The following GOLM1 variants were observed in gnomAD, a reference collection of about 807,000 sequenced individuals.
GOLM1 encodes epididymis luminal protein 46.
Under a neutral mutation model 50.5 loss-of-function variants are expected in GOLM1, and 31 were observed. The observed-to-expected ratio is 0.61, with a 90% CI of 0.46 to 0.83. The LOEUF (loss-of-function observed/expected upper bound fraction) is 0.83, where lower values mean the gene tolerates loss of function less well. Among genes scored for constraint, GOLM1 ranks in the 40% least tolerant of loss-of-function variants. The pLI, the probability that GOLM1 is intolerant of heterozygous loss-of-function variation, is 0.00. For missense variants in GOLM1, 491 were observed against 501.3 expected (o/e 0.98, Z 0.20); for synonymous variants, 178 against 192.8 (o/e 0.92, Z 0.64).
intron 1 of GOLM1, 117 bp from the exon 2 acceptor site, chr9:86,079,458 G>C: frequency 2.6e-6 from 2 of 763,246 alleles, no homozygotes; most frequent in South Asian, 4.3e-5. Flanking sequence ...TGGGCTGGTA[G>C]CTTCTCCTTG....
upstream of GOLM1, among the ~76,000 whole-genome samples, chr9:86,099,724 G>A (rs1342143586): frequency 6.6e-6 from 1 of 151,830 alleles, no homozygotes; most frequent in Non-Finnish European, 1.5e-5. Context: ...GGCGGGAGCA[G>A]GAACGCCAGC....
intron 3 of GOLM1, among the ~76,000 whole-genome samples, chr9:86,068,301 C>T (rs1392576723): frequency 2.0e-5 from 3 of 152,344 alleles, no homozygotes; most frequent in Non-Finnish European, 4.4e-5. Context: ...TTTCAGGCTT[C>T]TAGCCCTCAA....
Position 86,035,557 on chromosome 9 carries a change from G to C in GOLM1, c.826C>G (p.Arg276Gly). ...QRDRLPQEPG[R>G]EQVVEDRPVG... ...GGTCTGTCTTCCACCACCTGCTCCC[G>C]GCCTGGCTCCTGCGGCAGCCTGTCC... Residue 276 changes from arginine to glycine, a missense_variant, in exon 8 of 10, where the codon CGG becomes GGG. Coordinates refer to ENST00000388712, the MANE Select transcript of GOLM1 (RefSeq NM_016548.4). 3 of 1,610,332 alleles carry C rather than the reference G, an allele frequency of 1.9e-6. No homozygotes were observed. The highest frequency in any genetic ancestry group is 2.5e-6 in the Non-Finnish European group (3 of 1,179,824).
At chr9:86,085,600 A>G (rs542389431) in intron 1 of GOLM1, among the ~76,000 whole-genome samples, 1 of 151,672 alleles carries the variant, frequency 6.6e-6, no homozygotes, top group Non-Finnish European at 1.5e-5. Flanking sequence ...ACCTACATTT[A>G]GTTACTTCTC....
At chr9:86,043,095 C>A (rs921759617) in intron 5 of GOLM1, among the ~76,000 whole-genome samples, 1 of 152,144 alleles carries the variant, frequency 6.6e-6, no homozygotes, top group Non-Finnish European at 1.5e-5. Flanking sequence ...ATCCCATCAC[C>A]CAGGGCACCG....
intron 1 of GOLM1, among the ~76,000 whole-genome samples, chr9:86,098,893 C>A (rs114497111): frequency 6.6e-6 from 1 of 152,178 alleles, no homozygotes; most frequent in Non-Finnish European, 1.5e-5. Flanking sequence ...CCACGAGGCC[C>A]AGCGGCAACG....
intron 3 of GOLM1, among the ~76,000 whole-genome samples, chr9:86,053,593 ACTCC>A: frequency 6.8e-5 from 1 of 14,766 alleles, no homozygotes; most frequent in Admixed American, 7.6e-4. Context: ...ACACCACACC[ACTCC>A]ACACACACAT....
chr9:86,090,991 G>C (rs1056784122), intron 1 of GOLM1, among the ~76,000 whole-genome samples: 2 of 152,068 alleles, frequency 1.3e-5, no homozygotes, highest in African/African-American at 4.8e-5. Flanking sequence ...GTCCCTCATA[G>C]TTTCCCTTGG....
chr9:86,026,409 T>C lies in GOLM1; in HGVS notation c.*1408A>G, dbSNP rs1323936821. 1 of 985,256 alleles carries C rather than the reference T, an allele frequency of 1.0e-6. No individual in the cohort carries two copies. The highest frequency in any genetic ancestry group is 1.2e-6 in the Non-Finnish European group (1 of 829,912). 61.0% of individuals were successfully genotyped at this position (985,256 alleles called of 1,614,324 possible). On this transcript the variant is annotated 3_prime_UTR_variant, in exon 10 of 10. Coordinates refer to ENST00000388712, the MANE Select transcript of GOLM1 (RefSeq NM_016548.4). ...TTTAAGTTGGAGGTGGCAACGTGAA[T>C]TGCAAACAGGGCCTGCTTCAGTGAC...
chr9:86,086,545 C>CCTGAATG, intron 1 of GOLM1, among the ~76,000 whole-genome samples: 1 of 150,154 alleles, frequency 6.7e-6, no homozygotes, highest in Admixed American at 6.7e-5. Flanking sequence ...CCCATGCCCA[C>CCTGAATG]GTACTGCCTA....
In GOLM1 at chr9:86,053,363, C is replaced by T. The variant is rs564586478; in HGVS notation, c.310-772G>A. On this transcript the variant is annotated intron_variant, in intron 3 of 9. Coordinates refer to ENST00000388712, the MANE Select transcript of GOLM1 (RefSeq NM_016548.4). ...CACGCCACAACTCCACACCACGTAC[C>T]ACTCCACACCACACACACCAAACCA... 1.7e-4 allele frequency among the ~76,000 whole-genome samples: 25 copies of T among 143,214 alleles called. 1 individual carries two copies. The South Asian group carries it at 5.7e-3, about 32-fold the overall frequency. 94.0% of individuals were successfully genotyped at this position (143,214 alleles called of 152,430 possible).
In GOLM1 at chr9:86,033,278, T is replaced by A. The variant is rs769414044; in HGVS notation, c.1129+4A>T. 4 of 1,537,406 alleles carry A rather than the reference T, an allele frequency of 2.6e-6. No homozygotes were observed. The highest frequency in any genetic ancestry group is 2.7e-6 in the Non-Finnish European group (3 of 1,109,704). On this transcript the variant is annotated splice_donor_region_variant and intron_variant, in intron 9 of 9. Coordinates refer to ENST00000388712, the MANE Select transcript of GOLM1 (RefSeq NM_016548.4). ...CTCGTCACCGATGTAGGCCCCATTC[T>A]TACCATCTATGTTTCTGTCATTCCC... is the stretch of plus-strand genomic sequence containing the variant.
At chr9:86,038,930 GAAAA>G (rs1246449005) in intron 6 of GOLM1, among the ~76,000 whole-genome samples, 8 of 151,544 alleles carry the variant, frequency 5.3e-5, no homozygotes, top group Non-Finnish European at 7.4e-5. Flanking sequence ...CACAACAAAA[GAAAA>G]AATAAATAAA....
intron 9 of GOLM1, among the ~76,000 whole-genome samples, chr9:86,032,631 T>C (rs1833020146): frequency 6.6e-6 from 1 of 152,150 alleles, no homozygotes; most frequent in South Asian, 2.1e-4. Context: ...CATCAATGGA[T>C]GGTAAAGCTA....
At chr9:86,049,799 A>T (rs1222510422) in intron 4 of GOLM1, among the ~76,000 whole-genome samples, 1 of 152,242 alleles carries the variant, frequency 6.6e-6, no homozygotes. Context: ...ACATACAATC[A>T]TGTCATCTGC....
rs1832828893 is a variant in GOLM1 at position 86,027,701 on chromosome 9, A to G, written c.*116T>C. 3.5e-6 allele frequency: 5 copies of G among 1,437,704 alleles called. No individual in the cohort carries two copies. Among genetic ancestry groups the G allele is most frequent in the African/African-American group, 1.5e-5 (1 of 68,782 alleles). 89.1% of individuals were successfully genotyped at this position (1,437,704 alleles called of 1,614,324 possible). A position where few individuals can be genotyped will look rare whatever the true frequency, so the allele number is the denominator to read the frequency against. ...TGCATACTAAAATTTCACAATAATC[A>G]TCTTCAGATGTACATTTTATTTAGT... On this transcript the variant is annotated 3_prime_UTR_variant, in exon 10 of 10. Transcript: ENST00000388712.
chr9:86,068,968 A>G (rs1203214465), intron 3 of GOLM1, among the ~76,000 whole-genome samples: 1 of 136,096 alleles, frequency 7.3e-6, no homozygotes, highest in African/African-American at 3.2e-5. Flanking sequence ...TAAGCCAACA[A>G]TGTCTGGGTT....
chr9:86,028,065 G>A (rs1832841102), intron 9 of GOLM1, among the ~76,000 whole-genome samples, 172 bp from the exon 10 acceptor site: 1 of 151,984 alleles, frequency 6.6e-6, no homozygotes, highest in Non-Finnish European at 1.5e-5. Flanking sequence ...TGGCAACGGT[G>A]ATATGGGAGG....
chr9:86,091,597 C>T (rs755001834), intron 1 of GOLM1, among the ~76,000 whole-genome samples: 6 of 152,148 alleles, frequency 3.9e-5, no homozygotes, highest in Non-Finnish European at 7.3e-5. Flanking sequence ...GGAATCTTGT[C>T]GCCCAGGCTG....
Sources: gnomAD v4.1 joint callset for allele counts (sites outside exome capture counted in the v4.1 genomes callset) on GRCh38, gnomAD v4.1.1 for gene constraint, MANE v1.5 for transcripts, NCBI Gene and HGNC (gene_info 2026-07-23, HGNC 2026-07-21) for gene names.